The following MYOM1 variants were observed in gnomAD, a reference collection of about 807,000 sequenced individuals.
MYOM1 encodes the protein myomesin-1.
A neutral mutation model predicts 205.3 loss-of-function variants in MYOM1; 164 were observed. The observed-to-expected ratio is 0.80, with a 90% CI of 0.70 to 0.91. MYOM1 has a LOEUF of 0.91. Ranked by LOEUF, MYOM1 falls within the 40% of genes least tolerant of loss-of-function variation. MYOM1 has a pLI of 0.00. For synonymous variants in MYOM1, 772 were observed against 789.4 expected (o/e 0.98, Z 0.37); for missense variants, 2,011 against 2,127.3 (o/e 0.95, Z 1.08).
At chr18:3,227,347 A>C in the MYOM1 span, among the ~76,000 whole-genome samples, 1 of 152,212 alleles carries the variant, frequency 6.6e-6, no homozygotes, top group Non-Finnish European at 1.5e-5. Flanking sequence ...ACATTATGCA[A>C]AGTGAAATAA....
At position 3,164,131 on chromosome 18, in the gene MYOM1, A is replaced by G. The variant is rs9958517; in HGVS notation, c.1501+147T>C. 362,559 of 804,820 alleles carry G rather than the reference A, an allele frequency of 0.45. 83,032 individuals carry two copies. The highest frequency in any genetic ancestry group is 0.53 in the Admixed American group (18,129 of 34,326). The allele number at this position is 804,820 out of a possible 1,614,324, so 49.9% of individuals were successfully genotyped here. On this transcript the variant is annotated intron_variant, in intron 10 of 37. Coordinates refer to ENST00000356443, the MANE Select transcript of MYOM1 (RefSeq NM_003803.4). ...CTTGGCCTCCCAAAGTGCTGGGATTACAGGCGTGAGACATTGCACCCTGCC... is the reference window on the plus strand; with the variant it reads ...CTTGGCCTCCCAAAGTGCTGGGATTGCAGGCGTGAGACATTGCACCCTGCC...
At chr18:3,114,547 T>C (rs2079576623) in intron 21 of MYOM1, among the ~76,000 whole-genome samples, 1 of 139,670 alleles carries the variant, frequency 7.2e-6, no homozygotes, top group Admixed American at 7.1e-5. Flanking sequence ...TCAGCTAATT[T>C]TTTTTTTTTT....
In MYOM1 at chr18:3,134,743, T is replaced by A; in HGVS notation, c.2291A>T (p.Asp764Val). ...SVVVSWEESKDAKELVGYYIE... is the reference protein window; with the variant it reads ...SVVVSWEESKVAKELVGYYIE... ...GTAGTACCCGACCAGCTCTTTGGCA[T>A]CTTTGGACTCCTCCCACGAAACTAC... The change falls in exon 16 of 38, where the codon GAT becomes GTT. Residue 764 changes from aspartate to valine, a missense_variant. Transcript: ENST00000356443. The A allele has an allele frequency of 6.2e-7, 1 of 1,613,938 alleles. No homozygotes were observed. The highest frequency in any genetic ancestry group is 8.5e-7 in the Non-Finnish European group (1 of 1,179,876).
In MYOM1 at chr18:3,100,354, A is replaced by G. The variant is rs1246161695; in HGVS notation, c.3648T>C (p.Asp1216=). 1 of 1,613,956 alleles carries G rather than the reference A, an allele frequency of 6.2e-7. No individual in the cohort carries two copies. The highest frequency in any genetic ancestry group is 8.5e-7 in the Non-Finnish European group (1 of 1,179,852). ...CTATTAAGTAGCTTGATGCTATTCC[A>G]TCAGTGTCTGTTACATCGCAAGAGT... is the stretch of plus-strand genomic sequence containing the variant. ...GIYSCDVTDT[D]GIASSYLIDE... is the part of the protein sequence containing the mutation. The change falls in exon 24 of 38, where the codon GAT becomes GAC. Residue 1216 remains aspartate, a synonymous_variant. Coordinates refer to ENST00000356443, the MANE Select transcript of MYOM1 (RefSeq NM_003803.4).
chr18:3,197,805 A>G lies in MYOM1; in HGVS notation c.291-3847T>C, dbSNP rs372795234. Reference sequence around the variant, plus strand: ...GGAGAATGGCGTGAACCTGGGAGGCAGAGCTTGCAGTGAGCCGAGATCGCA... The same window carrying G: ...GGAGAATGGCGTGAACCTGGGAGGCGGAGCTTGCAGTGAGCCGAGATCGCA... On this transcript the variant is annotated intron_variant, in intron 2 of 37. Transcript: ENST00000356443. 6.3e-3 allele frequency among the ~76,000 whole-genome samples: 964 copies of G among 152,206 alleles called. 12 individuals carry two copies. Among genetic ancestry groups the G allele is most frequent in the South Asian group, 0.018 (89 of 4,816 alleles).
intron 19 of MYOM1, among the ~76,000 whole-genome samples, chr18:3,120,477 C>G (rs2079672564): frequency 6.6e-6 from 1 of 152,128 alleles, no homozygotes; most frequent in African/African-American, 2.4e-5. Context: ...CTCAGCCCTA[C>G]AGCTGCAAGG....
At chr18:3,097,060 GA>G (rs1271853494) in intron 25 of MYOM1, among the ~76,000 whole-genome samples, 1 of 152,002 alleles carries the variant, frequency 6.6e-6, no homozygotes, top group East Asian at 1.9e-4. Context: ...AAATAATTTT[GA>G]AAACAGCTTA....
chr18:3,224,285 G>A (rs1202050646), upstream of MYOM1, among the ~76,000 whole-genome samples: 1 of 152,106 alleles, frequency 6.6e-6, no homozygotes, highest in Non-Finnish European at 1.5e-5. Flanking sequence ...GCCTCCCAAA[G>A]TTCTGGGATT....
chr18:3,241,141 G>A, the MYOM1 span, among the ~76,000 whole-genome samples: 2 of 152,224 alleles, frequency 1.3e-5, no homozygotes, highest in African/African-American at 4.8e-5. Flanking sequence ...ATTTTCTGAG[G>A]AGAAATTTAA....
chr18:3,215,305 C>G, intron 1 of MYOM1, 54 bp from the exon 2 acceptor site: 1 of 1,330,314 alleles, frequency 7.5e-7, no homozygotes, highest in Non-Finnish European at 1.0e-6. Context: ...ATTCCATAGA[C>G]CAAGTCATCT....
In MYOM1 at chr18:3,100,366, T is replaced by C. The variant is rs760952047; in HGVS notation, c.3636A>G (p.Val1212=). Reference sequence around the variant, plus strand: ...TTGATGCTATTCCATCAGTGTCTGTTACATCGCAAGAGTAAATACCCAAGT... The same window carrying C: ...TTGATGCTATTCCATCAGTGTCTGTCACATCGCAAGAGTAAATACCCAAGT... ...MDDLGIYSCD[V]TDTDGIASSY... is the part of the protein sequence containing the mutation. Residue 1212 remains valine (V), a synonymous_variant, in exon 24 of 38, where the codon GTA becomes GTG. Coordinates refer to ENST00000356443, the MANE Select transcript of MYOM1 (RefSeq NM_003803.4). 1 of 1,614,022 alleles carries C rather than the reference T, an allele frequency of 6.2e-7. No individual in the cohort carries two copies. The highest frequency in any genetic ancestry group is 1.3e-5 in the African/African-American group (1 of 75,076).
chr18:3,244,647 T>G, the MYOM1 span, among the ~76,000 whole-genome samples: 1 of 151,586 alleles, frequency 6.6e-6, no homozygotes, highest in Non-Finnish European at 1.5e-5. Flanking sequence ...TCCAAGCACT[T>G]TGGGAGGCTG....
chr18:3,215,027 G>GCGGACGCCCGACGGAAGGCCT lies in MYOM1; in HGVS notation c.176_196dup (p.Glu59_Ser65dup). 2 of 1,612,528 alleles carry GCGGACGCCCGACGGAAGGCCT rather than the reference G, an allele frequency of 1.2e-6. No individual in the cohort carries two copies. The highest frequency in any genetic ancestry group is 2.7e-5 in the African/African-American group (2 of 75,010). On this transcript the variant is annotated inframe_insertion, in exon 2 of 38. Transcript: ENST00000356443. ...CGAGGCCTGCTGCTGGGAGGAGGAGGCGGACGCCCGACGGAAGGCCTCGGA... is the reference window on the plus strand; with the variant it reads ...CGAGGCCTGCTGCTGGGAGGAGGAGGCGGACGCCCGACGGAAGGCCTCGGACGCCCGACGGAAGGCCTCGGA...
intron 10 of MYOM1, among the ~76,000 whole-genome samples, chr18:3,162,695 GAAT>G (rs1303380455): frequency 6.6e-6 from 1 of 152,170 alleles, no homozygotes; most frequent in Non-Finnish European, 1.5e-5. Flanking sequence ...TCCCGTGGAG[GAAT>G]AATATTCCAC....
At position 3,187,351 on chromosome 18, in the gene MYOM1, T is replaced by C; in HGVS notation, c.929+129A>G. Reference sequence around the variant, plus strand: ...TCTCAATGCCTACCCTTCTTCACTCTTTTAAAAACCTATACAATCTTGTAG... The same window carrying C: ...TCTCAATGCCTACCCTTCTTCACTCCTTTAAAAACCTATACAATCTTGTAG... On this transcript the variant is annotated intron_variant, in intron 5 of 37. Transcript: ENST00000356443. 1.1e-5 allele frequency: 12 copies of C among 1,068,682 alleles called. No homozygotes were observed. In the South Asian group the frequency reaches 2.2e-4, roughly 20 times the overall value. 66.2% of individuals were successfully genotyped at this position (1,068,682 alleles called of 1,614,324 possible).
intron 13 of MYOM1, among the ~76,000 whole-genome samples, chr18:3,148,011 G>A (rs2080154580): frequency 6.6e-6 from 1 of 152,158 alleles, no homozygotes; most frequent in South Asian, 2.1e-4. Flanking sequence ...TGAGTAAAAT[G>A]CAAATCAAAG....
chr18:3,136,051 T>C (rs746442497), intron 14 of MYOM1, among the ~76,000 whole-genome samples: 3 of 152,176 alleles, frequency 2.0e-5, no homozygotes, highest in Non-Finnish European at 4.4e-5. Context: ...CATACTGTTC[T>C]CGTGGTAGTG....
At chr18:3,090,512 G>T in intron 27 of MYOM1, 146 bp downstream of exon 27, 3 of 1,071,556 alleles carry the variant, frequency 2.8e-6, no homozygotes, top group East Asian at 2.5e-5. Context: ...GAGCCACCGC[G>T]CCCAGCTGAA....
intron 14 of MYOM1, among the ~76,000 whole-genome samples, chr18:3,140,321 T>C (rs968961770): frequency 6.6e-6 from 1 of 151,708 alleles, no homozygotes; most frequent in Non-Finnish European, 1.5e-5. Context: ...GCAGGAGAAT[T>C]GCTTAAACCA....
Sources: gnomAD v4.1 joint callset for allele counts (sites outside exome capture counted in the v4.1 genomes callset) on GRCh38, gnomAD v4.1.1 for gene constraint, MANE v1.5 for transcripts, NCBI Gene and HGNC (gene_info 2026-07-23, HGNC 2026-07-21) for gene names.